The following AP4E1 variants were observed in gnomAD, a reference collection of about 807,000 sequenced individuals.
The protein encoded by AP4E1 is adaptor related protein complex 4 subunit epsilon 1, also known as AP-4 complex subunit epsilon-1.
In AP4E1, 56 loss-of-function variants were observed where a neutral mutation model predicts 128.2. The observed-to-expected ratio is 0.44, with a 90% CI of 0.35 to 0.55. The LOEUF is 0.55. Ranked by LOEUF, AP4E1 falls within the 20% of genes least tolerant of loss-of-function variation. The pLI, the probability that AP4E1 is intolerant of heterozygous loss-of-function variation, is 0.00. For synonymous variants in AP4E1, 484 were observed against 473.1 expected (o/e 1.02, Z -0.30); for missense variants, 1,324 against 1,307.7 (o/e 1.01, Z -0.19).
At chr15:50,952,326 T>A (rs956472171) in intron 13 of AP4E1, among the ~76,000 whole-genome samples, 3 of 151,750 alleles carry the variant, frequency 2.0e-5, no homozygotes, top group Non-Finnish European at 4.4e-5. Flanking sequence ...CTGGCTAACA[T>A]GGTAACACCC....
chr15:50,908,571 C>CG (rs1192047037), upstream of AP4E1: 1 of 538,350 alleles, frequency 1.9e-6, no homozygotes, highest in Non-Finnish European at 3.0e-6. Context: ...CTCGAGCGAG[C>CG]GGCCTTTTCC....
At chr15:50,930,348 T>G (rs1369372238) in intron 6 of AP4E1, among the ~76,000 whole-genome samples, 2 of 129,668 alleles carry the variant, frequency 1.5e-5, no homozygotes, top group African/African-American at 2.9e-5. Flanking sequence ...ATTACTGGCG[T>G]GAGCCACTGT....
intron 14 of AP4E1, 112 bp downstream of exon 14, chr15:50,958,906 A>G (rs1295311726): frequency 8.5e-6 from 10 of 1,182,836 alleles, no homozygotes; most frequent in African/African-American, 3.0e-5. Flanking sequence ...GTAGCATTTA[A>G]GGTGAATGTT....
intron 1 of AP4E1, among the ~76,000 whole-genome samples, chr15:50,909,692 TTTTG>T (rs1393118993): frequency 6.6e-6 from 1 of 152,026 alleles, no homozygotes; most frequent in African/African-American, 2.4e-5. Flanking sequence ...AAATTTTAAT[TTTTG>T]TTTTTTTTTG....
intron 10 of AP4E1, chr15:50,945,849 A>G (rs2064054912): frequency 1.2e-6 from 1 of 812,196 alleles, no homozygotes; most frequent in African/African-American, 1.7e-5. Context: ...ATTGACATCT[A>G]CCAAAATCTA....
chr15:50,910,682 G>C (rs1008217538), intron 1 of AP4E1, among the ~76,000 whole-genome samples: 1 of 152,190 alleles, frequency 6.6e-6, no homozygotes, highest in Non-Finnish European at 1.5e-5. Flanking sequence ...TTGAGATGGA[G>C]TCTCACTCTG....
intron 15 of AP4E1, among the ~76,000 whole-genome samples, chr15:50,973,191 G>T (rs2140900723): frequency 6.6e-6 from 1 of 152,122 alleles, no homozygotes. Context: ...GTGCTGAAAG[G>T]TTTTTCTTTT....
In AP4E1 at chr15:50,909,667, G is replaced by A. The variant is rs147821002; in HGVS notation, c.150+739G>A. ...GCGATCTCGATCTCGGCTCGCTGGAGCCTTAAGGTTTTAAAAATTTTAATT... is the reference window on the plus strand; with the variant it reads ...GCGATCTCGATCTCGGCTCGCTGGAACCTTAAGGTTTTAAAAATTTTAATT... On this transcript the variant is annotated intron_variant, in intron 1 of 20. Coordinates refer to ENST00000261842, the MANE Select transcript of AP4E1 (RefSeq NM_007347.5). Among the ~76,000 whole-genome samples, 678 of 152,196 alleles carry A rather than the reference G, an allele frequency of 4.5e-3. 7 individuals are homozygous for A. The highest frequency in any genetic ancestry group is 0.016 in the African/African-American group (656 of 41,530).
chr15:50,961,780 A>G (rs897114319), intron 14 of AP4E1, among the ~76,000 whole-genome samples: 1 of 152,048 alleles, frequency 6.6e-6, no homozygotes, highest in Non-Finnish European at 1.5e-5. Context: ...AAAGAAATAA[A>G]GGGATCTAAA....
At chr15:50,990,373 T>TATTATTATG (rs1406433555) in intron 16 of AP4E1, among the ~76,000 whole-genome samples, 138 of 149,218 alleles carry the variant, frequency 9.2e-4, no homozygotes, top group African/African-American at 3.1e-3. Flanking sequence ...TTATTATTAT[T>TATTATTATG]ATTTGAGACA....
At chr15:50,974,395 TATCTAGG>T (rs1050147012) in intron 15 of AP4E1, among the ~76,000 whole-genome samples, 1 of 151,734 alleles carries the variant, frequency 6.6e-6, no homozygotes, top group African/African-American at 2.4e-5. Flanking sequence ...GCTTCCTGAG[TATCTAGG>T]ATTCCAGGTG....
chr15:50,941,346 G>A, intron 8 of AP4E1, 96 bp from the exon 9 acceptor site: 1 of 1,378,738 alleles, frequency 7.3e-7, no homozygotes, highest in South Asian at 1.2e-5. Flanking sequence ...TGACTAAAAT[G>A]GACTTTCCAA....
rs539217245 is a variant in AP4E1, at chr15:50,911,431, T to C, written c.151-647T>C. On this transcript the variant is annotated intron_variant, in intron 1 of 20. Coordinates refer to ENST00000261842, the MANE Select transcript of AP4E1 (RefSeq NM_007347.5). ...AAGGGGAAGATGTGAGATGAGACTC[T>C]TTTCTTGGGCCAATACATGGAGAAT... is the stretch of plus-strand genomic sequence containing the variant. Among the ~76,000 whole-genome samples the C allele has an allele frequency of 2.6e-5, 4 of 152,230 alleles. No homozygotes were observed. The South Asian group carries it at 8.3e-4, about 32-fold the overall frequency.
chr15:50,970,858 A>G (rs1235208458), intron 15 of AP4E1, among the ~76,000 whole-genome samples: 2 of 152,150 alleles, frequency 1.3e-5, no homozygotes, highest in Non-Finnish European at 2.9e-5. Context: ...ATCCATTTAC[A>G]TTCAAGGTTA....
chr15:50,958,319 G>A (rs963641936), intron 13 of AP4E1, among the ~76,000 whole-genome samples, 173 bp from the exon 14 acceptor site: 4 of 152,084 alleles, frequency 2.6e-5, no homozygotes, highest in African/African-American at 9.7e-5. Context: ...TGAATTATTG[G>A]TATAATTTTG....
At chr15:50,935,345 T>G (rs1026644548) in intron 8 of AP4E1, among the ~76,000 whole-genome samples, 1 of 148,720 alleles carries the variant, frequency 6.7e-6, no homozygotes, top group African/African-American at 2.6e-5. Context: ...CGTGGAATAA[T>G]AGTATACTAT....
rs2063526643 is a variant in AP4E1 at position 50,908,718 on chromosome 15, G to A, written c.-61G>A. The A allele has an allele frequency of 7.0e-7, 1 of 1,426,454 alleles. No homozygotes were observed. Among genetic ancestry groups the A allele is most frequent in the Non-Finnish European group, 9.2e-7 (1 of 1,090,588 alleles). The allele number at this position is 1,426,454 out of a possible 1,614,324, so 88.4% of individuals were successfully genotyped here. On this transcript the variant is annotated 5_prime_UTR_variant, in exon 1 of 21. Transcript: ENST00000261842. ...GAGGCCGGGCCGGCAGCGGCGGCCG[G>A]GCATGAAGCCGGGCGGCTACGGGAT...
intron 13 of AP4E1, 76 bp from the exon 14 acceptor site, chr15:50,958,416 A>T: frequency 8.1e-7 from 1 of 1,230,322 alleles, no homozygotes; most frequent in Non-Finnish European, 1.1e-6. Context: ...AGCAGTAGGT[A>T]CTTTGTTTAG....
chr15:50,914,504 A>G (rs1485945871), intron 2 of AP4E1, among the ~76,000 whole-genome samples: 1 of 152,080 alleles, frequency 6.6e-6, no homozygotes, highest in East Asian at 1.9e-4. Flanking sequence ...TACAAAAATT[A>G]GATGGGCGTG....
Sources: gnomAD v4.1 joint callset for allele counts (sites outside exome capture counted in the v4.1 genomes callset) on GRCh38, gnomAD v4.1.1 for gene constraint, MANE v1.5 for transcripts, NCBI Gene and HGNC (gene_info 2026-07-23, HGNC 2026-07-21) for gene names.